AMPH: variants seen among roughly 807,000 people sequenced by gnomAD.
AMPH encodes amphiphysin (Stiff-Mann syndrome with breast cancer 128kD autoantigen).
A neutral mutation model predicts 99.1 loss-of-function variants in AMPH; 49 were observed. The ratio of observed to expected loss-of-function variants is 0.49; its 90% CI spans 0.39 to 0.63. The LOEUF (loss-of-function observed/expected upper bound fraction) is 0.63. AMPH is among the 20% of genes least tolerant of loss of function. The pLI is 0.00. For missense variants in AMPH, 759 were observed against 863.4 expected (o/e 0.88, Z 1.52); for synonymous variants, 314 against 317.3 (o/e 0.99, Z 0.11).
chr7:38,601,898 T>G (rs183535253), intron 1 of AMPH, among the ~76,000 whole-genome samples: 1 of 152,244 alleles, frequency 6.6e-6, no homozygotes. Flanking sequence ...CATTATAAGA[T>G]CCTATAAAGA....
intron 17 of AMPH, among the ~76,000 whole-genome samples, chr7:38,403,207 G>A (rs1029744371): frequency 4.6e-5 from 7 of 152,146 alleles, no homozygotes; most frequent in Admixed American, 2.0e-4. Context: ...AAATAAGCTG[G>A]GGTGTAGAAA....
intron 3 of AMPH, 105 bp downstream of exon 3, chr7:38,503,545 C>G: frequency 9.1e-7 from 1 of 1,094,136 alleles, no homozygotes; most frequent in Non-Finnish European, 1.4e-6. Flanking sequence ...ATCCATCTTG[C>G]CAGGAAGCCA....
chr7:38,565,487 T>C (rs1159653886), intron 1 of AMPH, among the ~76,000 whole-genome samples: 1 of 152,216 alleles, frequency 6.6e-6, no homozygotes, highest in Non-Finnish European at 1.5e-5. Flanking sequence ...GGTCTTTTTT[T>C]CTGTGCACGT....
At chr7:38,594,340 G>T (rs997613379) in intron 1 of AMPH, among the ~76,000 whole-genome samples, 8 of 152,246 alleles carry the variant, frequency 5.3e-5, no homozygotes, top group African/African-American at 1.9e-4. Context: ...TTCTACTGAT[G>T]TCCCGAAGAC....
chr7:38,615,043 T>C (rs371085727), intron 1 of AMPH, among the ~76,000 whole-genome samples: 2 of 152,176 alleles, frequency 1.3e-5, no homozygotes, highest in Non-Finnish European at 2.9e-5. Context: ...CTACACTACA[T>C]GACACCTGAC....
chr7:38,453,597 A>G (rs1300588630), intron 11 of AMPH, among the ~76,000 whole-genome samples: 1 of 152,210 alleles, frequency 6.6e-6, no homozygotes, highest in African/African-American at 2.4e-5. Flanking sequence ...AAGTGTCCTT[A>G]CCTATGAGCC....
chr7:38,463,918 G>A (rs1183347803), intron 9 of AMPH, among the ~76,000 whole-genome samples: 1 of 152,170 alleles, frequency 6.6e-6, no homozygotes, highest in African/African-American at 2.4e-5. Flanking sequence ...CAAAATAAAA[G>A]AGCATGTACA....
At chr7:38,403,393 C>G (rs1274364459) in intron 17 of AMPH, among the ~76,000 whole-genome samples, 2 of 152,212 alleles carry the variant, frequency 1.3e-5, no homozygotes, top group Non-Finnish European at 2.9e-5. Flanking sequence ...TGGTGGCAAT[C>G]TGAGAACTTC....
At chr7:38,598,567 G>C (rs989175691) in intron 1 of AMPH, among the ~76,000 whole-genome samples, 1 of 152,124 alleles carries the variant, frequency 6.6e-6, no homozygotes, top group African/African-American at 2.4e-5. Flanking sequence ...CTCCCAAAGT[G>C]CTGGGATTAC....
chr7:38,562,701 G>A (rs893292028), intron 1 of AMPH, among the ~76,000 whole-genome samples: 1 of 151,668 alleles, frequency 6.6e-6, no homozygotes, highest in African/African-American at 2.4e-5. Context: ...GAGAAAAGGG[G>A]AGTGAAAATG....
chr7:38,556,547 T>A (rs977710514), intron 1 of AMPH, among the ~76,000 whole-genome samples: 2 of 152,146 alleles, frequency 1.3e-5, no homozygotes, highest in Non-Finnish European at 2.9e-5. Flanking sequence ...TCAGCCTTCT[T>A]CTTAAAGGAT....
At chr7:38,480,668 A>T (rs1200252287) in intron 5 of AMPH, among the ~76,000 whole-genome samples, 1 of 152,204 alleles carries the variant, frequency 6.6e-6, no homozygotes, top group Non-Finnish European at 1.5e-5. Flanking sequence ...CACTCAAAGT[A>T]TGCAATGAGT....
At chr7:38,451,377 TAC>T (rs1787021480) in intron 11 of AMPH, among the ~76,000 whole-genome samples, 4 of 151,318 alleles carry the variant, frequency 2.6e-5, no homozygotes, top group Admixed American at 1.3e-4. Flanking sequence ...TATGTGTATA[TAC>T]ACATGTATAT....
At position 38,599,109 on chromosome 7, in the gene AMPH, T is replaced by G. The variant is rs138473133; in HGVS notation, c.69+32174A>C. On this transcript the variant is annotated intron_variant, in intron 1 of 20. Coordinates refer to ENST00000356264, the MANE Select transcript of AMPH (RefSeq NM_001635.4). Reference sequence around the variant, plus strand: ...ACATAAATCTTTCTAATTTTTCAAGTAAATTGTGATAAACCTTTTCAATTA... The same window carrying G: ...ACATAAATCTTTCTAATTTTTCAAGGAAATTGTGATAAACCTTTTCAATTA... Among the ~76,000 whole-genome samples, 886 of 152,346 alleles carry G rather than the reference T, an allele frequency of 5.8e-3. 9 individuals carry two copies. The highest frequency in any genetic ancestry group is 0.02 in the African/African-American group (851 of 41,564).
intron 1 of AMPH, among the ~76,000 whole-genome samples, chr7:38,621,289 T>C (rs912509733): frequency 2.4e-4 from 37 of 152,326 alleles, no homozygotes; most frequent in African/African-American, 8.4e-4. Flanking sequence ...TATTTTTAAC[T>C]AATAACTATG....
intron 17 of AMPH, among the ~76,000 whole-genome samples, chr7:38,406,319 G>A (rs1784982411): frequency 6.6e-6 from 1 of 151,782 alleles, no homozygotes; most frequent in African/African-American, 2.4e-5. Flanking sequence ...AGAAAAATAA[G>A]AACAAACCAA....
At chr7:38,442,414 A>T (rs1256398763) in intron 11 of AMPH, among the ~76,000 whole-genome samples, 1 of 152,130 alleles carries the variant, frequency 6.6e-6, no homozygotes, top group Admixed American at 6.5e-5. Context: ...TCCCAGCTGG[A>T]AAAAACTGTC....
At chr7:38,466,460 A>G (rs1383986853) in intron 7 of AMPH, among the ~76,000 whole-genome samples, 2 of 151,934 alleles carry the variant, frequency 1.3e-5, no homozygotes, top group African/African-American at 4.8e-5. Context: ...ATAGAGCATG[A>G]CCTCTCCTAA....
intron 17 of AMPH, among the ~76,000 whole-genome samples, chr7:38,405,086 C>T (rs1784945751): frequency 6.6e-6 from 1 of 152,032 alleles, no homozygotes; most frequent in Admixed American, 6.5e-5. Flanking sequence ...AAAATGCCAG[C>T]CAAGAATTTT....
Sources: gnomAD v4.1 joint callset for allele counts (sites outside exome capture counted in the v4.1 genomes callset) on GRCh38, gnomAD v4.1.1 for gene constraint, MANE v1.5 for transcripts, NCBI Gene and HGNC (gene_info 2026-07-23, HGNC 2026-07-21) for gene names.